AOAH: variants seen among roughly 807,000 people sequenced by gnomAD.
The protein encoded by AOAH is acyloxyacyl hydrolase, also known as acyloxyacyl hydrolase (neutrophil).
A neutral mutation model predicts 92.2 loss-of-function variants in AOAH; 64 were observed. The ratio of observed to expected loss-of-function variants is 0.69; its 90% CI spans 0.57 to 0.86. The LOEUF (loss-of-function observed/expected upper bound fraction) is 0.86. Ranked by LOEUF, AOAH falls within the 40% of genes least tolerant of loss-of-function variation. AOAH has a pLI of 0.00. For synonymous variants in AOAH, 263 were observed against 254.5 expected (o/e 1.03, Z -0.32); for missense variants, 656 against 694.6 (o/e 0.94, Z 0.62).
chr7:36,556,271 A>G (rs1786704495), intron 13 of AOAH, among the ~76,000 whole-genome samples: 1 of 152,120 alleles, frequency 6.6e-6, no homozygotes, highest in South Asian at 2.1e-4. Context: ...CAGGTTGTTC[A>G]GTTTCCATGT....
At chr7:36,633,893 G>A (rs1417222021) in intron 5 of AOAH, among the ~76,000 whole-genome samples, 1 of 152,184 alleles carries the variant, frequency 6.6e-6, no homozygotes, top group Non-Finnish European at 1.5e-5. Flanking sequence ...TGTGCACTGT[G>A]AGATGCTGGG....
intron 12 of AOAH, among the ~76,000 whole-genome samples, chr7:36,580,944 C>A (rs1485211744): frequency 2.0e-5 from 3 of 152,124 alleles, no homozygotes; most frequent in Non-Finnish European, 4.4e-5. Flanking sequence ...TCATGTGTTT[C>A]CGTAGGATAC....
intron 12 of AOAH, among the ~76,000 whole-genome samples, chr7:36,590,849 A>C (rs989843984): frequency 2.0e-5 from 3 of 152,112 alleles, no homozygotes; most frequent in Non-Finnish European, 4.4e-5. Context: ...ACAAATGAGG[A>C]CCTCCATCAT....
intron 2 of AOAH, 32 bp from the exon 3 acceptor site, chr7:36,674,041 T>G: frequency 7.4e-7 from 1 of 1,348,570 alleles, no homozygotes; most frequent in East Asian, 2.3e-5. Flanking sequence ...ATTGAATATA[T>G]TTTTATTGCG....
chr7:36,630,747 A>C (rs749317917), intron 6 of AOAH, among the ~76,000 whole-genome samples: 6 of 152,194 alleles, frequency 3.9e-5, no homozygotes, highest in Non-Finnish European at 7.3e-5. Context: ...AGAGACATTA[A>C]GTGGCCCAAG....
intron 15 of AOAH, among the ~76,000 whole-genome samples, chr7:36,544,666 A>T (rs1308270347): frequency 1.3e-5 from 2 of 152,194 alleles, no homozygotes; most frequent in Non-Finnish European, 2.9e-5. Context: ...TGTCAGAAAC[A>T]AATGGCCGGG....
chr7:36,534,351 T>C (rs1172542363), intron 16 of AOAH, among the ~76,000 whole-genome samples: 1 of 152,208 alleles, frequency 6.6e-6, no homozygotes, highest in Non-Finnish European at 1.5e-5. Context: ...CAGCTGGACC[T>C]GATTGAGAAT....
At chr7:36,615,989 A>G (rs1322967903) in intron 11 of AOAH, among the ~76,000 whole-genome samples, 1 of 152,022 alleles carries the variant, frequency 6.6e-6, no homozygotes, top group Non-Finnish European at 1.5e-5. Flanking sequence ...AGCAGAGGCC[A>G]TCAGGAGCCG....
intron 11 of AOAH, among the ~76,000 whole-genome samples, chr7:36,608,225 G>T (rs185359057): frequency 5.8e-4 from 88 of 152,318 alleles, no homozygotes; most frequent in Admixed American, 5.1e-3. Flanking sequence ...TATCTTAGTG[G>T]CGTCTTTACA....
intron 2 of AOAH, among the ~76,000 whole-genome samples, chr7:36,675,083 C>T (rs1394075753): frequency 2.0e-5 from 3 of 152,108 alleles, no homozygotes; most frequent in East Asian, 1.9e-4. Context: ...AGTGAAACCC[C>T]GTCTCTCCTA....
chr7:36,574,206 T>C (rs1022292120), intron 13 of AOAH, among the ~76,000 whole-genome samples: 2 of 152,212 alleles, frequency 1.3e-5, no homozygotes, highest in African/African-American at 2.4e-5. Flanking sequence ...AGACAAAGTA[T>C]ACATTTTATG....
At chr7:36,567,532 A>C (rs1487181907) in intron 13 of AOAH, among the ~76,000 whole-genome samples, 1 of 152,238 alleles carries the variant, frequency 6.6e-6, no homozygotes, top group African/African-American at 2.4e-5. Flanking sequence ...TTAGCTAAAA[A>C]TCTATAAAAG....
At chr7:36,670,782 C>G (rs1795874091) in intron 3 of AOAH, among the ~76,000 whole-genome samples, 1 of 152,146 alleles carries the variant, frequency 6.6e-6, no homozygotes, top group Non-Finnish European at 1.5e-5. Context: ...GCCCGCTGGT[C>G]CCATTCTTTC....
At chr7:36,514,327 G>A (rs1441904651) in intron 20 of AOAH, 2 of 617,596 alleles carry the variant, frequency 3.2e-6, no homozygotes. Context: ...GTGCCTGGGA[G>A]TGGAGGCTGG....
Position 36,632,044 on chromosome 7 carries a change from T to C in AOAH, c.513A>G (p.Lys171=), listed in dbSNP as rs763733833. The C allele has an allele frequency of 1.2e-6, 2 of 1,612,168 alleles. No individual in the cohort carries two copies. Among genetic ancestry groups the C allele is most frequent in the Non-Finnish European group, 1.7e-6 (2 of 1,178,836 alleles). The change falls in exon 6 of 21, where the codon AAA becomes AAG. Residue 171 remains lysine (K), a synonymous_variant. Transcript: ENST00000617537. The stretch of plus-strand genomic sequence containing the variant: ...AGAAATTGTATACATACAATTTAAT[T>C]TTCTGGCAGATCTTGGCCAAAACCG... The part of the protein sequence containing the change: ...SLPVLAKICQ[K]IKLAMEQSVP...
chr7:36,636,144 A>T (rs1167437270), intron 5 of AOAH, among the ~76,000 whole-genome samples: 1 of 151,952 alleles, frequency 6.6e-6, no homozygotes, highest in Non-Finnish European at 1.5e-5. Flanking sequence ...TGGAATTATT[A>T]ATTACTCTCC....
At chr7:36,651,183 CTGTT>C (rs1794554548) in intron 4 of AOAH, among the ~76,000 whole-genome samples, 1 of 152,244 alleles carries the variant, frequency 6.6e-6, no homozygotes, top group South Asian at 2.1e-4. Context: ...CTCTTCCTCA[CTGTT>C]TGTCTATAGC....
intron 1 of AOAH, among the ~76,000 whole-genome samples, chr7:36,721,572 C>T (rs1204016050): frequency 6.6e-6 from 1 of 152,160 alleles, no homozygotes; most frequent in Admixed American, 6.5e-5. Flanking sequence ...ACCTTTCTTG[C>T]TATTATGACA....
intron 3 of AOAH, among the ~76,000 whole-genome samples, chr7:36,666,748 G>A (rs890391052): frequency 2.0e-5 from 3 of 151,928 alleles, no homozygotes; most frequent in Admixed American, 6.6e-5. Context: ...TTCATCACAC[G>A]AATTTTGATA....
Sources: gnomAD v4.1 joint callset for allele counts (sites outside exome capture counted in the v4.1 genomes callset) on GRCh38, gnomAD v4.1.1 for gene constraint, MANE v1.5 for transcripts, NCBI Gene and HGNC (gene_info 2026-07-23, HGNC 2026-07-21) for gene names.